MRE11: variants seen among roughly 807,000 people sequenced by gnomAD.
MRE11 encodes the protein MRE11 double strand break repair nuclease.
MRE11 carries 62 observed loss-of-function variants against 91.7 expected under a neutral mutation model. The ratio of observed to expected loss-of-function variants is 0.68; its 90% confidence interval spans 0.55 to 0.84. MRE11 has a LOEUF of 0.84. Among genes scored for constraint, MRE11 ranks in the 40% least tolerant of loss-of-function variants. The pLI, the probability that MRE11 is intolerant of heterozygous loss-of-function variation, is 0.00. For synonymous variants in MRE11, 273 were observed against 271.4 expected (o/e 1.01, Z -0.06); for missense variants, 796 against 852.9 (o/e 0.93, Z 0.83).
At chr11:94,492,959 T>C in intron 1 of MRE11, 53 bp from the exon 2 acceptor site, 2 of 690,424 alleles carry the variant, frequency 2.9e-6, no homozygotes, top group South Asian at 3.4e-5. Flanking sequence ...TGCACGTATT[T>C]AACCAACATG....
intron 9 of MRE11, among the ~76,000 whole-genome samples, chr11:94,469,249 G>C (rs917220321): frequency 6.6e-6 from 1 of 152,058 alleles, no homozygotes; most frequent in African/African-American, 2.4e-5. Context: ...GCTTCTCTAA[G>C]GACATTTGGC....
rs1443698048 is a variant in MRE11, at chr11:94,459,601, G to A, written c.1327-20C>T. ...CACATTCTGTAAGATACAAATCACT[G>A]GATGCAGAAATAGTTTTTATTCCTT... is the stretch of plus-strand genomic sequence containing the variant. On this transcript the variant is annotated intron_variant, in intron 12 of 19. Transcript: ENST00000323929. 6.2e-7 allele frequency: 1 copy of A among 1,610,296 alleles called. No homozygotes were observed. The highest frequency in any genetic ancestry group is 2.2e-5 in the East Asian group (1 of 44,794).
At chr11:94,466,896 G>A (rs1056808231) in intron 10 of MRE11, among the ~76,000 whole-genome samples, 3 of 152,278 alleles carry the variant, frequency 2.0e-5, no homozygotes, top group African/African-American at 4.8e-5. Context: ...GGAGGTCTAC[G>A]TAAAGATTTT....
chr11:94,490,254 C>A (rs910304656), intron 3 of MRE11, among the ~76,000 whole-genome samples: 2 of 152,168 alleles, frequency 1.3e-5, no homozygotes, highest in African/African-American at 2.4e-5. Flanking sequence ...GGGCCCCTAA[C>A]ATACCTTATA....
At chr11:94,506,612 A>T in the MRE11 span, among the ~76,000 whole-genome samples, 1 of 150,458 alleles carries the variant, frequency 6.6e-6, no homozygotes, top group Admixed American at 6.6e-5. Flanking sequence ...TTTTTGAGAC[A>T]GGGTCTTGCT....
intron 9 of MRE11, among the ~76,000 whole-genome samples, chr11:94,468,810 A>T (rs1946635242): frequency 9.4e-6 from 1 of 106,838 alleles, no homozygotes; most frequent in African/African-American, 3.7e-5. Context: ...TGAATTTTAA[A>T]TTTAAATGTA....
the MRE11 span, chr11:94,499,733 A>G: frequency 6.6e-6 from 1 of 152,162 alleles, no homozygotes; most frequent in South Asian, 2.1e-4. Context: ...ATTGTTCCCA[A>G]AGTTTTGTCT....
chr11:94,424,709 G>A (rs1945262281), intron 19 of MRE11, among the ~76,000 whole-genome samples: 1 of 152,042 alleles, frequency 6.6e-6, no homozygotes, highest in Admixed American at 6.5e-5. Flanking sequence ...ACAACTGAAA[G>A]TATTAACAAC....
intron 3 of MRE11, among the ~76,000 whole-genome samples, chr11:94,489,691 A>G (rs946102932): frequency 6.6e-6 from 1 of 152,144 alleles, no homozygotes; most frequent in African/African-American, 2.4e-5. Flanking sequence ...CTCTCCAGAA[A>G]AGTCAAGGCT....
intron 14 of MRE11, among the ~76,000 whole-genome samples, chr11:94,451,106 G>A (rs1369584946): frequency 2.0e-5 from 3 of 151,738 alleles, no homozygotes; most frequent in South Asian, 2.1e-4. Context: ...GCAACATAAC[G>A]AGACTCCGTC....
chr11:94,449,809 C>G (rs1946048858), intron 14 of MRE11, among the ~76,000 whole-genome samples: 2 of 152,096 alleles, frequency 1.3e-5, no homozygotes, highest in Admixed American at 1.3e-4. Context: ...AATTATAACA[C>G]CATAGCTATG....
intron 14 of MRE11, among the ~76,000 whole-genome samples, chr11:94,450,604 C>A (rs983696942): frequency 6.6e-6 from 1 of 152,018 alleles, no homozygotes; most frequent in African/African-American, 2.4e-5. Context: ...AAACCTGCCT[C>A]CTGAAAACAA....
At chr11:94,489,969 C>T (rs770049196) in intron 3 of MRE11, among the ~76,000 whole-genome samples, 5 of 152,152 alleles carry the variant, frequency 3.3e-5, no homozygotes, top group African/African-American at 4.8e-5. Context: ...ATCCCCACCC[C>T]GCTACAACTA....
chr11:94,504,595 G>A, the MRE11 span, among the ~76,000 whole-genome samples: 1 of 152,148 alleles, frequency 6.6e-6, no homozygotes, highest in African/African-American at 2.4e-5. Flanking sequence ...TTTAAATCAG[G>A]ACTGTTAGAA....
At chr11:94,428,735 C>T (rs931565273) in intron 19 of MRE11, among the ~76,000 whole-genome samples, 2 of 152,092 alleles carry the variant, frequency 1.3e-5, no homozygotes, top group African/African-American at 4.8e-5. Context: ...TGGTGATGCG[C>T]ACCTGTAATC....
chr11:94,452,387 G>A (rs938117173), intron 14 of MRE11, among the ~76,000 whole-genome samples: 3 of 152,050 alleles, frequency 2.0e-5, no homozygotes, highest in African/African-American at 7.2e-5. Context: ...CCTTAGACTT[G>A]TAAAGATCAA....
intron 6 of MRE11, among the ~76,000 whole-genome samples, chr11:94,476,984 T>A (rs1946878534): frequency 6.6e-6 from 1 of 152,184 alleles, no homozygotes; most frequent in African/African-American, 2.4e-5. Flanking sequence ...CCTCCCAAAG[T>A]GCTGAAATTA....
intron 16 of MRE11, among the ~76,000 whole-genome samples, chr11:94,442,063 T>C (rs1386501873): frequency 1.3e-5 from 2 of 149,524 alleles, no homozygotes; most frequent in Admixed American, 1.3e-4. Flanking sequence ...ACAAGAGTCA[T>C]GTGAGGAGAG....
intron 18 of MRE11, 146 bp downstream of exon 18, chr11:94,435,686 G>T (rs1211021085): frequency 1.5e-6 from 1 of 680,962 alleles, no homozygotes; most frequent in Non-Finnish European, 2.6e-6. Context: ...ACTAGCCCTT[G>T]GTCTGTTTTC....
Sources: allele counts gnomAD v4.1 joint callset (sites outside exome capture counted in the v4.1 genomes callset), GRCh38; gene constraint gnomAD v4.1.1; transcripts MANE v1.5; gene names NCBI Gene and HGNC (gene_info 2026-07-23, HGNC 2026-07-21).